The following NUP98 variants were observed in gnomAD, a reference collection of about 807,000 sequenced individuals.
The protein encoded by NUP98 is nucleoporin 98 and 96 precursor.
NUP98 carries 26 observed loss-of-function variants against 191.9 expected under a neutral mutation model. The ratio of observed to expected loss-of-function variants is 0.14; its 90% confidence interval spans 0.10 to 0.19. The LOEUF is 0.19. Among genes scored for constraint, NUP98 ranks in the 10% least tolerant of loss-of-function variants. The pLI, the probability that NUP98 is intolerant of heterozygous loss-of-function variation, is 1.00. For synonymous variants in NUP98, 808 were observed against 778.4 expected (o/e 1.04, Z -0.63); for missense variants, 1,941 against 2,178.8 (o/e 0.89, Z 2.17).
chr11:3,681,802 T>C (rs544714420), intron 30 of NUP98, among the ~76,000 whole-genome samples: 1 of 152,288 alleles, frequency 6.6e-6, no homozygotes, highest in East Asian at 1.9e-4. Context: ...CATCACCAGC[T>C]GAATTAGCCC....
chr11:3,774,817 T>A (rs1304758394), intron 5 of NUP98, among the ~76,000 whole-genome samples: 1 of 152,224 alleles, frequency 6.6e-6, no homozygotes, highest in Non-Finnish European at 1.5e-5. Flanking sequence ...TTTTCTCAAC[T>A]ACTGCACTTT....
At chr11:3,728,467 G>A (rs1189719355) in intron 14 of NUP98, among the ~76,000 whole-genome samples, 34 of 152,202 alleles carry the variant, frequency 2.2e-4, no homozygotes, top group Non-Finnish European at 5.9e-5. Flanking sequence ...TGGGTGCGGC[G>A]GCTCACGCCT....
intron 31 of NUP98, 102 bp downstream of exon 31, chr11:3,679,452 G>A (rs2077921093): frequency 1.5e-6 from 2 of 1,302,820 alleles, no homozygotes; most frequent in South Asian, 1.2e-5. Context: ...TGCTATCTCT[G>A]TCAGTGCATT....
chr11:3,771,291 CAT>C (rs1449290364), intron 7 of NUP98, among the ~76,000 whole-genome samples: 22 of 152,328 alleles, frequency 1.4e-4, no homozygotes, highest in African/African-American at 5.1e-4. Flanking sequence ...CTCACAATCA[CAT>C]GACTTCTCTT....
At chr11:3,759,383 G>C (rs998983526) in intron 10 of NUP98, among the ~76,000 whole-genome samples, 2 of 152,098 alleles carry the variant, frequency 1.3e-5, no homozygotes, top group South Asian at 2.1e-4. Context: ...GATCATTTGA[G>C]CTCAGGAGTT....
chr11:3,787,972 C>T (rs577832574), intron 1 of NUP98, among the ~76,000 whole-genome samples: 49 of 152,074 alleles, frequency 3.2e-4, no homozygotes, highest in Non-Finnish European at 4.9e-4. Context: ...AGCCTGGCGA[C>T]GGAGCCAGAG....
At chr11:3,775,061 TA>T (rs2081664360) in intron 5 of NUP98, among the ~76,000 whole-genome samples, 1 of 152,202 alleles carries the variant, frequency 6.6e-6, no homozygotes, top group African/African-American at 2.4e-5. Context: ...CATGTTTCTG[TA>T]AACAAAATCC....
intron 12 of NUP98, among the ~76,000 whole-genome samples, chr11:3,741,103 T>C (rs2080269254): frequency 6.6e-6 from 1 of 151,440 alleles, no homozygotes; most frequent in Non-Finnish European, 1.5e-5. Flanking sequence ...ATTACAGTCA[T>C]GAGCCACCAT....
chr11:3,793,305 T>C (rs186405970), intron 1 of NUP98, among the ~76,000 whole-genome samples: 9 of 152,242 alleles, frequency 5.9e-5, no homozygotes, highest in Non-Finnish European at 7.4e-5. Context: ...GTCTTCTTTT[T>C]ATGATATGGA....
chr11:3,724,115 A>G (rs1439341963), intron 15 of NUP98, among the ~76,000 whole-genome samples: 14 of 152,068 alleles, frequency 9.2e-5, no homozygotes, highest in Non-Finnish European at 1.8e-4. Context: ...CATAATCTTT[A>G]TATAATAAAA....
intron 1 of NUP98, among the ~76,000 whole-genome samples, chr11:3,789,369 A>G (rs1250951270): frequency 6.6e-6 from 1 of 152,210 alleles, no homozygotes; most frequent in Non-Finnish European, 1.5e-5. Flanking sequence ...GCAAACAAAA[A>G]CAAATCCCAT....
intron 8 of NUP98, among the ~76,000 whole-genome samples, chr11:3,766,049 A>G (rs975021965): frequency 6.6e-6 from 1 of 152,150 alleles, no homozygotes; most frequent in Non-Finnish European, 1.5e-5. Flanking sequence ...TGCCAGTAAC[A>G]CAATTACTAT....
chr11:3,766,260 A>T (rs2081335811), intron 8 of NUP98, among the ~76,000 whole-genome samples: 1 of 152,060 alleles, frequency 6.6e-6, no homozygotes, highest in African/African-American at 2.4e-5. Flanking sequence ...CTGTAGTCCC[A>T]GCTACTTGGG....
intron 28 of NUP98, among the ~76,000 whole-genome samples, chr11:3,690,482 G>C (rs1344758682): frequency 6.7e-6 from 1 of 150,248 alleles, no homozygotes; most frequent in Non-Finnish European, 1.5e-5. Context: ...GGATGGTCTC[G>C]ATCTCCTGAC....
chr11:3,702,319 T>C (rs111776580), intron 23 of NUP98, 144 bp downstream of exon 23: 29 of 94,312 alleles, frequency 3.1e-4, no homozygotes, highest in Non-Finnish European at 4.9e-4. Flanking sequence ...ACACACTCTC[T>C]CTCTCTCTCT....
intron 1 of NUP98, among the ~76,000 whole-genome samples, chr11:3,791,602 C>T (rs940684867): frequency 7.5e-5 from 11 of 147,242 alleles, no homozygotes; most frequent in Non-Finnish European, 1.2e-4. Context: ...CCCAGCATTT[C>T]GGGAGACCGA....
intron 4 of NUP98, among the ~76,000 whole-genome samples, chr11:3,778,563 C>G (rs1391252439): frequency 6.6e-6 from 1 of 152,212 alleles, no homozygotes; most frequent in Non-Finnish European, 1.5e-5. Context: ...ATTCTCCCAT[C>G]TTAACATGAA....
At position 3,714,072 on chromosome 11, in the gene NUP98, C is replaced by A. The variant is rs1165024619; in HGVS notation, c.2400-77G>T. ...TATAAGACCAGAAAGCCACCTAACA[C>A]ATAAATAGTGAATAATGGTAACTAT... On this transcript the variant is annotated intron_variant, in intron 18 of 32. Coordinates refer to ENST00000324932, the MANE Select transcript of NUP98 (RefSeq NM_016320.5). The A allele has an allele frequency of 3.0e-6, 4 of 1,340,362 alleles. No homozygotes were observed. The Admixed American group carries it at 7.9e-5, about 27-fold the overall frequency. 83.0% of individuals were successfully genotyped at this position (1,340,362 alleles called of 1,614,324 possible).
intron 12 of NUP98, among the ~76,000 whole-genome samples, chr11:3,738,602 C>G (rs747713479): frequency 6.6e-6 from 1 of 151,540 alleles, no homozygotes; most frequent in Non-Finnish European, 1.5e-5. Context: ...AAATGGTGAA[C>G]CTCTATCTCT....
Sources: gnomAD v4.1 joint callset for allele counts (sites outside exome capture counted in the v4.1 genomes callset) on GRCh38, gnomAD v4.1.1 for gene constraint, MANE v1.5 for transcripts, NCBI Gene and HGNC (gene_info 2026-07-23, HGNC 2026-07-21) for gene names.